The following FBN2 variants were observed in gnomAD, a reference collection of about 807,000 sequenced individuals.
The protein encoded by FBN2 is fibrillin-2.
Under a neutral mutation model 355.6 loss-of-function variants are expected in FBN2, and 105 were observed. That is an observed-to-expected ratio of 0.30 (90% CI 0.25 to 0.35). The LOEUF (loss-of-function observed/expected upper bound fraction) is 0.35. Among genes scored for constraint, FBN2 ranks in the 10% least tolerant of loss-of-function variants. The probability of loss-of-function intolerance (pLI) is 1.00; values close to 1 mark genes in which losing one functional copy is unlikely to be tolerated. For synonymous variants in FBN2, 1,350 were observed against 1,301.2 expected (o/e 1.04, Z -0.81); for missense variants, 3,280 against 3,758.7 (o/e 0.87, Z 3.33).
intron 5 of FBN2, among the ~76,000 whole-genome samples, chr5:128,469,711 C>T (rs73784600): frequency 0.14 from 20,832 of 151,946 alleles, 2,217 homozygotes; most frequent in African/African-American, 0.3. Context: ...AATAAAAGTT[C>T]CTGAATTCAA....
intron 62 of FBN2, among the ~76,000 whole-genome samples, 183 bp downstream of exon 62, chr5:128,271,816 T>A (rs890543854): frequency 1.3e-4 from 20 of 152,304 alleles, no homozygotes; most frequent in Middle Eastern, 3.4e-3. Context: ...ACTTTTTTTT[T>A]AATAGATATT....
At chr5:128,451,289 G>A (rs952959756) in intron 6 of FBN2, among the ~76,000 whole-genome samples, 6 of 152,072 alleles carry the variant, frequency 3.9e-5, no homozygotes, top group African/African-American at 1.4e-4. Context: ...TCTTATTAAA[G>A]GATACATGAT....
At position 128,274,064 on chromosome 5, in the gene FBN2, T is replaced by C. The variant is rs1424184083; in HGVS notation, c.7712-96A>G. The C allele has an allele frequency of 2.8e-6, 4 of 1,435,898 alleles. No individual in the cohort carries two copies. The East Asian group carries it at 6.9e-5, about 25-fold the overall frequency. 88.9% of individuals were successfully genotyped at this position (1,435,898 alleles called of 1,614,324 possible). On this transcript the variant is annotated intron_variant, in intron 60 of 64. Coordinates refer to ENST00000262464, the MANE Select transcript of FBN2 (RefSeq NM_001999.4). ...AAAAGCAATGTATGAAAACCTAAGT[T>C]TCATGATGTGAAAATGGCATTTTGG...
At chr5:128,341,900 T>G (rs1324918141) in intron 25 of FBN2, among the ~76,000 whole-genome samples, 1 of 152,214 alleles carries the variant, frequency 6.6e-6, no homozygotes, top group Non-Finnish European at 1.5e-5. Context: ...GCATAACTTT[T>G]TCACTTTGGG....
intron 5 of FBN2, among the ~76,000 whole-genome samples, chr5:128,498,665 G>T (rs1042853558): frequency 8.5e-5 from 13 of 152,120 alleles, no homozygotes; most frequent in Admixed American, 8.5e-4. Context: ...ATAAACAATA[G>T]AAAATACATA....
intron 5 of FBN2, among the ~76,000 whole-genome samples, chr5:128,510,626 AAT>A (rs1396671042): frequency 2.0e-5 from 3 of 152,210 alleles, no homozygotes; most frequent in African/African-American, 7.2e-5. Context: ...ATGAGTTTTG[AAT>A]ATTTTAGATT....
chr5:128,422,584 G>C (rs529014219), intron 7 of FBN2, among the ~76,000 whole-genome samples: 1 of 152,136 alleles, frequency 6.6e-6, no homozygotes, highest in Non-Finnish European at 1.5e-5. Context: ...GAGTTAAAAG[G>C]AGTACAGAAA....
chr5:128,499,896 C>T (rs982471103), intron 5 of FBN2, among the ~76,000 whole-genome samples: 2 of 151,894 alleles, frequency 1.3e-5, no homozygotes, highest in Non-Finnish European at 2.9e-5. Context: ...AAGGCTTTGC[C>T]CATATGCAAA....
chr5:128,266,433 G>A (rs1765114658), intron 62 of FBN2, among the ~76,000 whole-genome samples: 1 of 152,116 alleles, frequency 6.6e-6, no homozygotes, highest in South Asian at 2.1e-4. Context: ...CTTCTGGCTG[G>A]ACTCCATTGC....
At chr5:128,411,721 T>G (rs192624605) in intron 7 of FBN2, among the ~76,000 whole-genome samples, 14 of 152,322 alleles carry the variant, frequency 9.2e-5, no homozygotes, top group African/African-American at 3.1e-4. Flanking sequence ...CAGGAATTCA[T>G]GATCTCATTT....
At chr5:128,386,163 T>C (rs1752360730) in intron 11 of FBN2, among the ~76,000 whole-genome samples, 1 of 152,180 alleles carries the variant, frequency 6.6e-6, no homozygotes. Flanking sequence ...AGGTTTTATA[T>C]TTAAGTCTTT....
rs887545489 is a variant in FBN2, at chr5:128,424,901, A to G, written c.953-16102T>C. Among the ~76,000 whole-genome samples, 9 of 152,212 alleles carry G rather than the reference A, an allele frequency of 5.9e-5. 1 individual carries two copies. Among genetic ancestry groups the G allele is most frequent in the Admixed American group, 3.3e-4 (5 of 15,278 alleles). On this transcript the variant is annotated intron_variant, in intron 7 of 64. Coordinates refer to ENST00000262464, the MANE Select transcript of FBN2 (RefSeq NM_001999.4). ...GTTTCAAAATACATAAAAGTTACTG[A>G]TAACATAGTCAAACAATATGAGTTT...
At chr5:128,434,046 A>T (rs969878957) in intron 7 of FBN2, among the ~76,000 whole-genome samples, 1 of 152,112 alleles carries the variant, frequency 6.6e-6, no homozygotes. Flanking sequence ...AACTACTGGC[A>T]CATGGAGAAA....
intron 7 of FBN2, among the ~76,000 whole-genome samples, chr5:128,412,173 C>A (rs1251755486): frequency 2.0e-5 from 3 of 152,120 alleles, no homozygotes; most frequent in East Asian, 1.9e-4. Context: ...TGATATAAAT[C>A]AAAAATTTAA....
chr5:128,336,199 C>T, intron 27 of FBN2, 86 bp from the exon 28 acceptor site: 1 of 1,342,908 alleles, frequency 7.4e-7, no homozygotes, highest in Admixed American at 1.7e-5. Context: ...GCAGTGGTCT[C>T]CAAAGGGGTT....
At chr5:128,453,855 G>A (rs1257907245) in intron 6 of FBN2, among the ~76,000 whole-genome samples, 1 of 151,996 alleles carries the variant, frequency 6.6e-6, no homozygotes, top group Non-Finnish European at 1.5e-5. Flanking sequence ...ACTGTCAGTT[G>A]GTGGTGTGAC....
chr5:128,430,809 C>T (rs1753599864), intron 7 of FBN2, among the ~76,000 whole-genome samples: 1 of 151,924 alleles, frequency 6.6e-6, no homozygotes, highest in African/African-American at 2.4e-5. Context: ...ACACCAGCAC[C>T]ACTGCACTCC....
At chr5:128,335,609 G>A (rs1750814633) in intron 28 of FBN2, 32 bp from the exon 29 acceptor site, 2 of 1,613,714 alleles carry the variant, frequency 1.2e-6, no homozygotes, top group African/African-American at 1.3e-5. Context: ...CACATTGTCA[G>A]GTCTGCTTCC....
At chr5:128,339,965 A>C (rs1750956059) in intron 25 of FBN2, among the ~76,000 whole-genome samples, 1 of 152,190 alleles carries the variant, frequency 6.6e-6, no homozygotes, top group Non-Finnish European at 1.5e-5. Context: ...ATGAGCTGTC[A>C]CCAACACCTG....
Sources: gnomAD v4.1 joint callset for allele counts (sites outside exome capture counted in the v4.1 genomes callset) on GRCh38, gnomAD v4.1.1 for gene constraint, MANE v1.5 for transcripts, NCBI Gene and HGNC (gene_info 2026-07-23, HGNC 2026-07-21) for gene names.